The following ADAMTSL3 variants were observed in gnomAD, a reference collection of about 807,000 sequenced individuals.
The protein encoded by ADAMTSL3 is ADAMTS like 3, also known as ADAMTS-like protein 3.
A neutral mutation model predicts 201.7 loss-of-function variants in ADAMTSL3; 128 were observed. The ratio of observed to expected loss-of-function variants is 0.63; its 90% CI spans 0.55 to 0.73. ADAMTSL3 has a LOEUF of 0.73. Among genes scored for constraint, ADAMTSL3 ranks in the 30% least tolerant of loss-of-function variants. The probability of loss-of-function intolerance (pLI) is 0.00; values close to 1 mark genes in which losing one functional copy is unlikely to be tolerated. For missense variants in ADAMTSL3, 1,990 were observed against 2,119.6 expected, an observed-to-expected ratio of 0.94 and a Z score of 1.20; for synonymous variants, 738 against 748.4, an observed-to-expected ratio of 0.99 and a Z score of 0.23.
chr15:83,776,789 G>A (rs1464791561), intron 4 of ADAMTSL3, among the ~76,000 whole-genome samples: 2 of 152,212 alleles, frequency 1.3e-5, no homozygotes, highest in South Asian at 2.1e-4. Flanking sequence ...GCATGTTTAT[G>A]CTGAGATATT....
intron 4 of ADAMTSL3, among the ~76,000 whole-genome samples, chr15:83,801,271 T>C (rs1433612064): frequency 6.6e-6 from 1 of 152,056 alleles, no homozygotes; most frequent in Non-Finnish European, 1.5e-5. Flanking sequence ...AACTACAAAT[T>C]AGGTAACGCT....
intron 27 of ADAMTSL3, among the ~76,000 whole-genome samples, chr15:84,026,751 C>G (rs1333389991): frequency 6.6e-6 from 1 of 151,824 alleles, no homozygotes; most frequent in Non-Finnish European, 1.5e-5. Context: ...GAAGTTGGAC[C>G]CTTTACACCA....
intron 3 of ADAMTSL3, among the ~76,000 whole-genome samples, chr15:83,754,858 C>G (rs2062693596): frequency 6.6e-6 from 1 of 152,136 alleles, no homozygotes; most frequent in African/African-American, 2.4e-5. Context: ...AAGTGTATCA[C>G]AAAAGGTGAG....
chr15:83,695,683 C>T (rs1358209775), intron 2 of ADAMTSL3, among the ~76,000 whole-genome samples: 2 of 151,952 alleles, frequency 1.3e-5, no homozygotes, highest in East Asian at 3.9e-4. Flanking sequence ...AATCTTAAAT[C>T]CCTGGAAATA....
chr15:83,773,785 G>T, intron 4 of ADAMTSL3, 135 bp downstream of exon 4: 3 of 1,245,940 alleles, frequency 2.4e-6, no homozygotes, highest in Admixed American at 6.1e-5. Flanking sequence ...CTAAATATTA[G>T]TCAACCTAGG....
At chr15:83,821,199 A>T (rs1163632732) in intron 6 of ADAMTSL3, among the ~76,000 whole-genome samples, 1 of 151,916 alleles carries the variant, frequency 6.6e-6, no homozygotes, top group Non-Finnish European at 1.5e-5. Flanking sequence ...AAATGTGAGC[A>T]GAGGTTATTT....
intron 15 of ADAMTSL3, among the ~76,000 whole-genome samples, chr15:83,902,685 C>G (rs145517948): frequency 6.6e-6 from 1 of 152,124 alleles, no homozygotes; most frequent in Non-Finnish European, 1.5e-5. Flanking sequence ...TTTCCTGGTC[C>G]CCAGCCTCAT....
rs1371468635 is a variant in ADAMTSL3, at chr15:83,824,385, A to AC, written c.600+4344dup. 4.6e-5 allele frequency among the ~76,000 whole-genome samples: 7 copies of AC among 151,426 alleles called. No homozygotes were observed. In the East Asian group the frequency reaches 1.4e-3, roughly 29 times the overall value. Reference sequence around the variant, plus strand: ...GTGGAAGGTGGAATTTTCCCATAGGACCCCCCTGCTTCCTTAAACGCACAG... The same window carrying AC: ...GTGGAAGGTGGAATTTTCCCATAGGACCCCCCCTGCTTCCTTAAACGCACAG... On this transcript the variant is annotated intron_variant, in intron 6 of 29. Transcript: ENST00000286744.
intron 8 of ADAMTSL3, among the ~76,000 whole-genome samples, chr15:83,865,048 A>G (rs1331699648): frequency 6.6e-6 from 1 of 152,270 alleles, no homozygotes; most frequent in South Asian, 2.1e-4. Context: ...TAGGAATCCA[A>G]CTTACAAGGG....
chr15:83,688,988 T>C (rs2061576343), intron 2 of ADAMTSL3, among the ~76,000 whole-genome samples: 1 of 152,078 alleles, frequency 6.6e-6, no homozygotes, highest in African/African-American at 2.4e-5. Context: ...TTTTTGTTTT[T>C]GTTTTTGCAT....
chr15:83,893,550 G>A (rs1355424144), intron 13 of ADAMTSL3, among the ~76,000 whole-genome samples: 1 of 152,186 alleles, frequency 6.6e-6, no homozygotes. Context: ...TAGCCACTAA[G>A]AACCTTCACA....
At chr15:83,902,126 C>CA (rs1200223028) in intron 15 of ADAMTSL3, among the ~76,000 whole-genome samples, 7 of 152,096 alleles carry the variant, frequency 4.6e-5, no homozygotes, top group Non-Finnish European at 1.0e-4. Flanking sequence ...CCTTTCCATC[C>CA]AAACTACCAT....
intron 25 of ADAMTSL3, among the ~76,000 whole-genome samples, chr15:84,020,800 T>A (rs1237256051): frequency 6.6e-6 from 1 of 152,224 alleles, no homozygotes; most frequent in Admixed American, 6.5e-5. Context: ...CTGGAGGTGG[T>A]CGGCTTCTAC....
chr15:84,009,861 C>T (rs2067976687), intron 23 of ADAMTSL3, among the ~76,000 whole-genome samples: 1 of 152,222 alleles, frequency 6.6e-6, no homozygotes, highest in Non-Finnish European at 1.5e-5. Flanking sequence ...TTTAGCCTGG[C>T]TGAAGGCCTC....
At chr15:84,007,456 G>A (rs1465502695) in intron 23 of ADAMTSL3, among the ~76,000 whole-genome samples, 1 of 152,204 alleles carries the variant, frequency 6.6e-6, no homozygotes, top group Non-Finnish European at 1.5e-5. Context: ...TCAGGAGGCT[G>A]AGATGGGAGG....
chr15:84,016,287 ACTCATTTT>A, intron 24 of ADAMTSL3, 88 bp from the exon 25 acceptor site: 1 of 858,468 alleles, frequency 1.2e-6, no homozygotes, highest in Non-Finnish European at 1.9e-6. Context: ...ATTATAGAGG[ACTCATTTT>A]CTAATAGCTG....
chr15:83,762,205 T>G (rs969385364), intron 3 of ADAMTSL3, among the ~76,000 whole-genome samples: 13 of 152,132 alleles, frequency 8.5e-5, no homozygotes, highest in Non-Finnish European at 1.9e-4. Context: ...TGTGAGCCAC[T>G]GCGCTTAGCC....
intron 4 of ADAMTSL3, among the ~76,000 whole-genome samples, chr15:83,802,748 C>T (rs2063544293): frequency 1.3e-5 from 2 of 152,136 alleles, no homozygotes; most frequent in Non-Finnish European, 2.9e-5. Context: ...GGTGATGGAA[C>T]TGTTCCAAAT....
In ADAMTSL3 at chr15:83,891,497, A is replaced by T. The variant is rs368431268; in HGVS notation, c.1262+118A>T. The T allele has an allele frequency of 6.2e-6, 5 of 812,448 alleles. No individual in the cohort carries two copies. In the South Asian group the frequency reaches 8.3e-5, roughly 14 times the overall value. The allele number at this position is 812,448 out of a possible 1,614,324, so 50.3% of individuals were successfully genotyped here. A position where few individuals can be genotyped will look rare whatever the true frequency, so the allele number is the denominator to read the frequency against. On this transcript the variant is annotated intron_variant, in intron 12 of 29. Coordinates refer to ENST00000286744, the MANE Select transcript of ADAMTSL3 (RefSeq NM_207517.3). Reference sequence around the variant, plus strand: ...AGATATTAAATACTTTATAGAGCTAAGGGAAAACAGACTTCTACTCAATAA... The same window carrying T: ...AGATATTAAATACTTTATAGAGCTATGGGAAAACAGACTTCTACTCAATAA...
Sources: allele counts gnomAD v4.1 joint callset (sites outside exome capture counted in the v4.1 genomes callset), GRCh38; gene constraint gnomAD v4.1.1; transcripts MANE v1.5; gene names NCBI Gene and HGNC (gene_info 2026-07-23, HGNC 2026-07-21).